TTC27: variants seen among roughly 807,000 people sequenced by gnomAD.
TTC27 encodes tetratricopeptide repeat domain 27.
TTC27 carries 79 observed loss-of-function variants against 115.9 expected under a neutral mutation model. The ratio of observed to expected loss-of-function variants is 0.68; its 90% CI spans 0.57 to 0.82. The LOEUF is 0.82. Among genes scored for constraint, TTC27 ranks in the 40% least tolerant of loss-of-function variants. TTC27 has a pLI of 0.00. For synonymous variants in TTC27, 401 were observed against 356.0 expected, an observed-to-expected ratio of 1.13 and a Z score of -1.42; for missense variants, 1,054 against 993.1, an observed-to-expected ratio of 1.06 and a Z score of -0.82.
At chr2:32,720,686 A>G (rs1400074671) in intron 10 of TTC27, among the ~76,000 whole-genome samples, 21 of 152,200 alleles carry the variant, frequency 1.4e-4, no homozygotes, top group Admixed American at 1.3e-3. Flanking sequence ...ATAATTCAGT[A>G]CCCTATGTGC....
chr2:32,775,419 C>T (rs1356717037), intron 13 of TTC27, among the ~76,000 whole-genome samples: 2 of 152,102 alleles, frequency 1.3e-5, no homozygotes, highest in South Asian at 2.1e-4. Context: ...AGGATGGTCT[C>T]GATCTCCTGA....
At chr2:32,699,534 C>T (rs1667112948) in intron 9 of TTC27, among the ~76,000 whole-genome samples, 2 of 152,114 alleles carry the variant, frequency 1.3e-5, no homozygotes, top group Non-Finnish European at 2.9e-5. Flanking sequence ...TTTTAAAATG[C>T]CATTTTCTAA....
At chr2:32,633,819 T>C in intron 2 of TTC27, 57 bp from the exon 3 acceptor site, 1 of 1,526,606 alleles carries the variant, frequency 6.6e-7, no homozygotes, top group South Asian at 1.2e-5. Context: ...ATAGTGTGTT[T>C]GAGATTATAC....
In TTC27 at chr2:32,820,879, A is replaced by G. The variant is rs370426638; in HGVS notation, c.2473A>G (p.Met825Val). 1.8e-4 allele frequency: 277 copies of G among 1,543,912 alleles called. 1 individual carries two copies. Among genetic ancestry groups the G allele is most frequent in the Non-Finnish European group, 2.3e-4 (264 of 1,141,926 alleles). Residue 825 changes from methionine to valine, a missense_variant, in exon 20 of 20, where the codon ATG becomes GTG. Physicochemically the swap from Met to Val is conservative, Grantham distance 21 (BLOSUM62 1). Coordinates refer to ENST00000317907, the MANE Select transcript of TTC27 (RefSeq NM_017735.5). Reference protein sequence around the residue: ...SRELADDITAMDTLVTELQDL... With the variant: ...SRELADDITAVDTLVTELQDL... ...GGAATTAGCTGATGACATAACAGCT[A>G]TGGACACCTTAGTGACAGAGCTCCA...
At position 32,638,644 on chromosome 2, in the gene TTC27, C is replaced by T. The variant is rs111777560; in HGVS notation, c.397-1626C>T. 2.1e-4 allele frequency among the ~76,000 whole-genome samples: 32 copies of T among 152,300 alleles called. 1 individual carries two copies. Among genetic ancestry groups the T allele is most frequent in the African/African-American group, 7.5e-4 (31 of 41,568 alleles). ...TCCACCCGCGTGGCCTTCCAGAGTG[C>T]TGGGATTACAGGCATGAGCCACTGT... On this transcript the variant is annotated intron_variant, in intron 3 of 19. Transcript: ENST00000317907.
intron 10 of TTC27, among the ~76,000 whole-genome samples, chr2:32,721,402 C>A (rs1330681483): frequency 6.6e-6 from 1 of 152,116 alleles, no homozygotes; most frequent in Non-Finnish European, 1.5e-5. Context: ...TCAAAGAGAT[C>A]ATCAGGCCTT....
chr2:32,760,110 T>C (rs1278352923), intron 13 of TTC27, among the ~76,000 whole-genome samples: 1 of 152,140 alleles, frequency 6.6e-6, no homozygotes, highest in Admixed American at 6.6e-5. Context: ...GCGTTTTACA[T>C]TGAAAAAAAA....
chr2:32,674,799 A>G (rs1428606054), intron 8 of TTC27, among the ~76,000 whole-genome samples: 2 of 151,922 alleles, frequency 1.3e-5, no homozygotes, highest in African/African-American at 4.8e-5. Flanking sequence ...AGCTGGGACT[A>G]CAGGCGCCCA....
At chr2:32,674,639 CATT>C (rs1251737064) in intron 8 of TTC27, among the ~76,000 whole-genome samples, 1 of 151,662 alleles carries the variant, frequency 6.6e-6, no homozygotes, top group Admixed American at 6.6e-5. Flanking sequence ...TTTCCTGTAA[CATT>C]ATTTATTCCA....
At chr2:32,767,845 G>C (rs1669691884) in intron 13 of TTC27, among the ~76,000 whole-genome samples, 2 of 152,078 alleles carry the variant, frequency 1.3e-5, no homozygotes, top group African/African-American at 4.8e-5. Flanking sequence ...AGGTACATCA[G>C]TATACTTCAA....
chr2:32,738,523 G>C (rs1320368589), intron 12 of TTC27, among the ~76,000 whole-genome samples: 1 of 152,162 alleles, frequency 6.6e-6, no homozygotes, highest in African/African-American at 2.4e-5. Context: ...GTCCTGTCAG[G>C]TTGTCCATAC....
chr2:32,688,174 C>T (rs79831089), intron 9 of TTC27, among the ~76,000 whole-genome samples: 4,953 of 152,134 alleles, frequency 0.033, 113 homozygotes, highest in Non-Finnish European at 0.047. Flanking sequence ...ATAACTACTG[C>T]GTATGTAGAA....
At chr2:32,713,648 G>A (rs1667656851) in intron 10 of TTC27, among the ~76,000 whole-genome samples, 1 of 152,164 alleles carries the variant, frequency 6.6e-6, no homozygotes, top group South Asian at 2.1e-4. Flanking sequence ...GGAAATTTGA[G>A]ATTATTGCAG....
At chr2:32,773,235 A>G (rs1242481918) in intron 13 of TTC27, among the ~76,000 whole-genome samples, 3 of 152,200 alleles carry the variant, frequency 2.0e-5, no homozygotes, top group Admixed American at 2.0e-4. Flanking sequence ...GCTTGCCTTC[A>G]CGATTTGCCC....
intron 13 of TTC27, among the ~76,000 whole-genome samples, chr2:32,765,256 G>C (rs954919596): frequency 2.0e-5 from 3 of 152,064 alleles, no homozygotes; most frequent in Non-Finnish European, 4.4e-5. Flanking sequence ...AGTGGTTGTT[G>C]TGTTAGCAAG....
chr2:32,628,353 T>C lies in TTC27; in HGVS notation c.61T>C (p.Trp21Arg), dbSNP rs1206517802. The C allele has an allele frequency of 1.9e-6, 3 of 1,606,784 alleles. No homozygotes were observed. The highest frequency in any genetic ancestry group is 2.2e-5 in the East Asian group (1 of 44,534). Residue 21 changes from tryptophan (W) to arginine (R), a missense_variant, in exon 1 of 20, where the codon TGG becomes CGG. Transcript: ENST00000317907. ...CCCCACTGAGGCTGAGCGGCAGCAATGGAAACAGGAGGGGGTCGTCGGTTC... is the reference window on the plus strand; with the variant it reads ...CCCCACTGAGGCTGAGCGGCAGCAACGGAAACAGGAGGGGGTCGTCGGTTC... ...GFPTEAERQQ[W>R]KQEGVVGSES...
chr2:32,656,653 G>A (rs998768158), intron 5 of TTC27, among the ~76,000 whole-genome samples: 1 of 152,172 alleles, frequency 6.6e-6, no homozygotes, highest in African/African-American at 2.4e-5. Context: ...TTTGAGCTGT[G>A]ATAGGTGCTG....
chr2:32,808,132 A>G (rs1264478260), intron 16 of TTC27, among the ~76,000 whole-genome samples: 1 of 151,766 alleles, frequency 6.6e-6, no homozygotes, highest in African/African-American at 2.4e-5. Context: ...ACAGGGTTTC[A>G]CCATGTTGGC....
At chr2:32,646,213 A>G (rs903189747) in intron 4 of TTC27, among the ~76,000 whole-genome samples, 1 of 151,050 alleles carries the variant, frequency 6.6e-6, no homozygotes, top group African/African-American at 2.4e-5. Flanking sequence ...CATTTTTAGT[A>G]GAGACGGGGT....
Sources: gnomAD v4.1 joint callset for allele counts (sites outside exome capture counted in the v4.1 genomes callset) on GRCh38, gnomAD v4.1.1 for gene constraint, MANE v1.5 for transcripts, NCBI Gene and HGNC (gene_info 2026-07-23, HGNC 2026-07-21) for gene names.